Variants in STK32A observed in about 807,000 individuals in gnomAD.
STK32A encodes the protein serine/threonine-protein kinase 32A.
Under a neutral mutation model 53.2 loss-of-function variants are expected in STK32A, and 41 were observed. The ratio of observed to expected loss-of-function variants is 0.77; its 90% CI spans 0.60 to 1.00. The LOEUF (loss-of-function observed/expected upper bound fraction) is 1.00. STK32A is among the 50% of genes least tolerant of loss of function. The pLI is 0.00. For synonymous variants in STK32A, 166 were observed against 162.8 expected (o/e 1.02, Z -0.15); for missense variants, 458 against 485.8 (o/e 0.94, Z 0.54).
At chr5:147,381,513 C>T (rs1029463597) in intron 11 of STK32A, among the ~76,000 whole-genome samples, 1 of 151,912 alleles carries the variant, frequency 6.6e-6, no homozygotes, top group African/African-American at 2.4e-5. Context: ...TGTAGTGGTG[C>T]ACACCTGTAA....
rs144408373 is a variant in STK32A, at chr5:147,346,914, T to C, written c.472+3871T>C. ...CTCAGCGTAGGAGGTGAGAAAAAAC[T>C]GAGGCTGCCATCTTAACAGCCTTTT... On this transcript the variant is annotated intron_variant, in intron 6 of 12. Transcript: ENST00000397936. Among the ~76,000 whole-genome samples the C allele has an allele frequency of 2.7e-3, 409 of 152,314 alleles. 1 individual carries two copies. Among genetic ancestry groups the C allele is most frequent in the Non-Finnish European group, 4.0e-3 (274 of 68,028 alleles).
At chr5:147,356,538 T>C (rs1221050504) in intron 7 of STK32A, among the ~76,000 whole-genome samples, 2 of 152,176 alleles carry the variant, frequency 1.3e-5, no homozygotes, top group Non-Finnish European at 1.5e-5. Flanking sequence ...ACTCTTAACA[T>C]GCTGCAGTAC....
At chr5:147,333,124 C>G (rs1478146791) in intron 5 of STK32A, among the ~76,000 whole-genome samples, 1 of 152,092 alleles carries the variant, frequency 6.6e-6, no homozygotes, top group Non-Finnish European at 1.5e-5. Flanking sequence ...TCATTTAACA[C>G]ATAATATTGA....
In STK32A at chr5:147,378,840, C is replaced by CTTTTT; in HGVS notation, c.1032+3659_1032+3663dup. Among the ~76,000 whole-genome samples the CTTTTT allele has an allele frequency of 1.7e-3, 49 of 28,106 alleles. 11 individuals are homozygous for CTTTTT. The highest frequency in any genetic ancestry group is 2.9e-3 in the Non-Finnish European group (39 of 13,492). 18.4% of individuals were successfully genotyped at this position (28,106 alleles called of 152,430 possible). The stretch of plus-strand genomic sequence containing the variant: ...GTAGTAGTGTAATAATGCCTCCAGT[C>CTTTTT]TTTTTTTTTTTTTTTTTTTTTTTTT... On this transcript the variant is annotated intron_variant, in intron 11 of 12. Transcript: ENST00000397936.
At chr5:147,353,964 C>A (rs534105846) in intron 7 of STK32A, among the ~76,000 whole-genome samples, 2 of 150,884 alleles carry the variant, frequency 1.3e-5, no homozygotes, top group Admixed American at 1.3e-4. Flanking sequence ...AAGAGCAATG[C>A]CATTTTCTTT....
chr5:147,400,559 C>T, the STK32A span: 3 of 1,251,440 alleles, frequency 2.4e-6, no homozygotes, highest in Non-Finnish European at 3.3e-6. Context: ...CCACATGGTT[C>T]CAGAGACATC....
intron 4 of STK32A, among the ~76,000 whole-genome samples, chr5:147,295,260 T>G (rs943125067): frequency 2.0e-5 from 3 of 152,238 alleles, no homozygotes; most frequent in African/African-American, 7.2e-5. Flanking sequence ...AAAAAGATTT[T>G]TGAAACTGAA....
At position 147,387,341 on chromosome 5, in the gene STK32A, G is replaced by A. The variant is rs1050964996; in HGVS notation, c.*3358G>A. The A allele has an allele frequency of 2.0e-5, 3 of 152,252 alleles. No homozygotes were observed. The highest frequency in any genetic ancestry group is 7.2e-5 in the African/African-American group (3 of 41,464). 9.4% of individuals were successfully genotyped at this position (152,252 alleles called of 1,614,324 possible). A position where few individuals can be genotyped will look rare whatever the true frequency, so the allele number is the denominator to read the frequency against. ...AGGAATGAACAGCAACCAGCACAGAGCATTGCTAAATTAATTACAGTAATC... is the reference window on the plus strand; with the variant it reads ...AGGAATGAACAGCAACCAGCACAGAACATTGCTAAATTAATTACAGTAATC... On this transcript the variant is annotated 3_prime_UTR_variant, in exon 13 of 13. Transcript: ENST00000397936.
intron 4 of STK32A, among the ~76,000 whole-genome samples, chr5:147,300,523 C>T (rs181829805): frequency 2.0e-4 from 30 of 152,296 alleles, no homozygotes; most frequent in African/African-American, 6.3e-4. Context: ...CAGTGCCTAC[C>T]GCACAGTAAG....
intron 4 of STK32A, among the ~76,000 whole-genome samples, chr5:147,282,109 A>G (rs974027334): frequency 3.3e-5 from 5 of 152,240 alleles, no homozygotes; most frequent in African/African-American, 1.2e-4. Context: ...AAGGAGCTCT[A>G]AATCTTAAAA....
chr5:147,355,970 T>C (rs1756217160), intron 7 of STK32A, among the ~76,000 whole-genome samples: 1 of 152,140 alleles, frequency 6.6e-6, no homozygotes, highest in Non-Finnish European at 1.5e-5. Context: ...TAAATTTTCA[T>C]TTTATAATGT....
At chr5:147,360,503 A>AT in intron 7 of STK32A, among the ~76,000 whole-genome samples, 1 of 151,732 alleles carries the variant, frequency 6.6e-6, no homozygotes, top group South Asian at 2.1e-4. Context: ...AAGAAAAAAA[A>AT]GGAAAAGAAA....
chr5:147,256,992 T>C (rs1351858483), intron 2 of STK32A, among the ~76,000 whole-genome samples: 2 of 152,120 alleles, frequency 1.3e-5, no homozygotes, highest in South Asian at 2.1e-4. Context: ...TCAGCCCCTA[T>C]AGCATAAAAC....
At chr5:147,269,562 G>A (rs1754943097) in intron 2 of STK32A, among the ~76,000 whole-genome samples, 2 of 152,160 alleles carry the variant, frequency 1.3e-5, no homozygotes, top group Admixed American at 6.5e-5. Flanking sequence ...GGAGAGTCAC[G>A]TTTAAGCAGC....
At chr5:147,396,826 T>C in the STK32A span, among the ~76,000 whole-genome samples, 1 of 150,302 alleles carries the variant, frequency 6.7e-6, no homozygotes, top group Non-Finnish European at 1.5e-5. Flanking sequence ...TACACATATA[T>C]ATACAAACAC....
intron 11 of STK32A, among the ~76,000 whole-genome samples, chr5:147,379,592 C>A (rs1379630147): frequency 2.6e-5 from 4 of 151,990 alleles, no homozygotes; most frequent in Non-Finnish European, 5.9e-5. Flanking sequence ...ATGTCAGATG[C>A]CTCTATTGTT....
chr5:147,254,544 G>A (rs1433098615), intron 2 of STK32A, among the ~76,000 whole-genome samples: 1 of 152,074 alleles, frequency 6.6e-6, no homozygotes, highest in Non-Finnish European at 1.5e-5. Context: ...TATATAGAAG[G>A]GTGCACCCTT....
chr5:147,368,364 T>C (rs923385884), intron 8 of STK32A, among the ~76,000 whole-genome samples: 7 of 152,218 alleles, frequency 4.6e-5, no homozygotes, highest in African/African-American at 1.4e-4. Context: ...TCACTGTTAG[T>C]TTAGATGCTG....
chr5:147,370,063 C>A (rs927149795), intron 8 of STK32A, among the ~76,000 whole-genome samples: 1 of 151,986 alleles, frequency 6.6e-6, no homozygotes, highest in Non-Finnish European at 1.5e-5. Context: ...CCTGGTTCTT[C>A]CCCCAAAATT....
Sources: allele counts gnomAD v4.1 joint callset (sites outside exome capture counted in the v4.1 genomes callset), GRCh38; gene constraint gnomAD v4.1.1; transcripts MANE v1.5; gene names NCBI Gene and HGNC (gene_info 2026-07-23, HGNC 2026-07-21).